Variants in POFUT3 observed in about 807,000 individuals in gnomAD.
POFUT3 encodes the protein protein O-fucosyltransferase 3.
At chr8:33,456,378 G>C in the POFUT3 span, among the ~76,000 whole-genome samples, 2 of 151,388 alleles carry the variant, frequency 1.3e-5, no homozygotes, top group Non-Finnish European at 2.9e-5. Context: ...TATTTTTTGA[G>C]ACAGAGTCTC....
At chr8:33,353,373 TTTGTC>T in the POFUT3 span, among the ~76,000 whole-genome samples, 1 of 152,152 alleles carries the variant, frequency 6.6e-6, no homozygotes, top group East Asian at 1.9e-4. Flanking sequence ...TCACGCATGT[TTTGTC>T]TGGAGATTCT....
the POFUT3 span, among the ~76,000 whole-genome samples, chr8:33,380,422 A>C: frequency 2.7e-5 from 4 of 150,362 alleles, no homozygotes; most frequent in African/African-American, 9.8e-5. Flanking sequence ...TGATTCTAAG[A>C]CCACCACTTC....
At chr8:33,372,359 A>G in the POFUT3 span, 12 of 1,325,078 alleles carry the variant, frequency 9.1e-6, no homozygotes, top group Admixed American at 3.5e-5. Context: ...ACCAGTGTCC[A>G]TAAGAAATAT....
chr8:33,339,327 C>T, the POFUT3 span, among the ~76,000 whole-genome samples: 608 of 151,840 alleles, frequency 4.0e-3, 2 homozygotes, highest in Non-Finnish European at 7.0e-3. Flanking sequence ...TAAGAATGGA[C>T]GGGAAAGAGG....
chr8:33,319,773 C>G, the POFUT3 span, among the ~76,000 whole-genome samples: 1,016 of 94,332 alleles, frequency 0.011, 44 homozygotes, highest in Non-Finnish European at 0.017. Context: ...ATATATTTAG[C>G]CAAACATTAT....
chr8:33,359,653 C>T, the POFUT3 span, among the ~76,000 whole-genome samples: 2 of 152,090 alleles, frequency 1.3e-5, no homozygotes, highest in African/African-American at 2.4e-5. Context: ...TTCACCCCAC[C>T]ATAGCTATAT....
chr8:33,380,649 C>A, the POFUT3 span, among the ~76,000 whole-genome samples: 1 of 151,704 alleles, frequency 6.6e-6, no homozygotes, highest in Non-Finnish European at 1.5e-5. Context: ...CCAGCCTGGG[C>A]AACATAGCAA....
At chr8:33,412,720 T>C in the POFUT3 span, among the ~76,000 whole-genome samples, 1 of 152,160 alleles carries the variant, frequency 6.6e-6, no homozygotes, top group East Asian at 1.9e-4. Context: ...CTCTGCCTCC[T>C]GGGTTCAAAT....
the POFUT3 span, among the ~76,000 whole-genome samples, chr8:33,334,628 G>C: frequency 6.6e-6 from 1 of 152,176 alleles, no homozygotes; most frequent in Non-Finnish European, 1.5e-5. Flanking sequence ...GCCACACTTA[G>C]AATAGAATAG....
chr8:33,407,754 G>C, the POFUT3 span, among the ~76,000 whole-genome samples: 31 of 152,264 alleles, frequency 2.0e-4, no homozygotes, highest in African/African-American at 7.5e-4. Flanking sequence ...TGTAATCCCA[G>C]CACTTTGGGA....
chr8:33,471,047 T>C, the POFUT3 span, among the ~76,000 whole-genome samples: 1 of 152,158 alleles, frequency 6.6e-6, no homozygotes, highest in African/African-American at 2.4e-5. Flanking sequence ...AAAACTCCAA[T>C]TTCATTATCA....
chr8:33,434,696 G>A, the POFUT3 span, among the ~76,000 whole-genome samples: 1 of 152,152 alleles, frequency 6.6e-6, no homozygotes, highest in African/African-American at 2.4e-5. Context: ...ACTCCAGGAG[G>A]ACCACCTGGA....
At chr8:33,425,632 G>T in the POFUT3 span, among the ~76,000 whole-genome samples, 6 of 151,998 alleles carry the variant, frequency 3.9e-5, no homozygotes, top group Non-Finnish European at 8.8e-5. Flanking sequence ...CGCAAAAGGG[G>T]CTCAATGGGC....
At chr8:33,431,369 A>T in the POFUT3 span, among the ~76,000 whole-genome samples, 1 of 151,332 alleles carries the variant, frequency 6.6e-6, no homozygotes, top group Non-Finnish European at 1.5e-5. Context: ...CAATATGGTG[A>T]GACCCAGTGT....
the POFUT3 span, among the ~76,000 whole-genome samples, chr8:33,315,034 G>A: frequency 0.09 from 13,663 of 152,154 alleles, 1,147 homozygotes; most frequent in African/African-American, 0.21. Context: ...TCATGAGAAC[G>A]TTTGCTTATC....
At chr8:33,346,118 C>T in the POFUT3 span, among the ~76,000 whole-genome samples, 98 of 151,040 alleles carry the variant, frequency 6.5e-4, no homozygotes, top group African/African-American at 2.2e-3. Context: ...AGCCACCGTG[C>T]CTGGCCCTAC....
the POFUT3 span, among the ~76,000 whole-genome samples, chr8:33,348,371 T>C: frequency 6.6e-6 from 1 of 152,072 alleles, no homozygotes; most frequent in East Asian, 1.9e-4. Context: ...CACCTCCTCA[T>C]TAAAACTCTC....
At chr8:33,397,862 A>C in the POFUT3 span, among the ~76,000 whole-genome samples, 1 of 152,148 alleles carries the variant, frequency 6.6e-6, no homozygotes, top group Non-Finnish European at 1.5e-5. Context: ...AGTGCTTTCT[A>C]TTGCAGTCAA....
the POFUT3 span, among the ~76,000 whole-genome samples, chr8:33,411,896 C>A: frequency 6.6e-6 from 1 of 152,216 alleles, no homozygotes; most frequent in Non-Finnish European, 1.5e-5. Context: ...GGGAATTTCA[C>A]TGGGCAGCGC....
Sources: allele counts gnomAD v4.1 joint callset (sites outside exome capture counted in the v4.1 genomes callset), GRCh38; gene constraint gnomAD v4.1.1; transcripts MANE v1.5; gene names NCBI Gene and HGNC (gene_info 2026-07-23, HGNC 2026-07-21).